INPP4B: variants seen among roughly 807,000 people sequenced by gnomAD.
INPP4B encodes the protein inositol polyphosphate-4-phosphatase type II B, also known as inositol polyphosphate 4-phosphatase type II.
A neutral mutation model predicts 122.5 loss-of-function variants in INPP4B; 55 were observed. The observed-to-expected ratio is 0.45, with a 90% CI of 0.36 to 0.56. The LOEUF is 0.56. Ranked by LOEUF, INPP4B falls within the 20% of genes least tolerant of loss-of-function variation. The pLI, the probability that INPP4B is intolerant of heterozygous loss-of-function variation, is 0.00. For missense variants in INPP4B, 1,000 were observed against 1,097.7 expected (o/e 0.91, Z 1.26); for synonymous variants, 403 against 388.7 (o/e 1.04, Z -0.43).
intron 2 of INPP4B, among the ~76,000 whole-genome samples, chr4:142,523,935 A>G (rs960834641): frequency 2.7e-5 from 4 of 146,280 alleles, no homozygotes; most frequent in Non-Finnish European, 4.5e-5. Flanking sequence ...GCGATAGTTT[A>G]CTGAGAATGA....
intron 2 of INPP4B, among the ~76,000 whole-genome samples, chr4:142,567,338 G>A (rs1275990131): frequency 6.6e-6 from 1 of 152,154 alleles, no homozygotes; most frequent in East Asian, 1.9e-4. Flanking sequence ...GAGCACAGCT[G>A]CCCTGACAGG....
At chr4:142,076,466 T>C (rs1286923955) in intron 25 of INPP4B, among the ~76,000 whole-genome samples, 1 of 152,074 alleles carries the variant, frequency 6.6e-6, no homozygotes, top group Admixed American at 6.6e-5. Flanking sequence ...TTCATGTTTT[T>C]ATTAATAACC....
chr4:142,028,289 A>G lies in INPP4B; in HGVS notation c.*493T>C. The G allele has an allele frequency of 4.4e-6, 1 of 227,054 alleles. No homozygotes were observed. The highest frequency in any genetic ancestry group is 8.8e-6 in the Non-Finnish European group (1 of 114,136). The allele number at this position is 227,054 out of a possible 1,614,324, so 14.1% of individuals were successfully genotyped here. A position where few individuals can be genotyped will look rare whatever the true frequency, so the allele number is the denominator to read the frequency against. On this transcript the variant is annotated 3_prime_UTR_variant, in exon 26 of 26. Coordinates refer to ENST00000262992, the MANE Select transcript of INPP4B (RefSeq NM_001101669.3). The stretch of plus-strand genomic sequence containing the variant: ...TCCAGATCATGAGTTAACTCTACCT[A>G]ATTGAGTGGCTACACATTTTTTTTA...
intron 25 of INPP4B, among the ~76,000 whole-genome samples, chr4:142,032,679 T>C (rs201511091): frequency 1.3e-5 from 2 of 152,216 alleles, no homozygotes; most frequent in Non-Finnish European, 2.9e-5. Flanking sequence ...AGCTTGGTTC[T>C]GCCACTTGCT....
intron 7 of INPP4B, among the ~76,000 whole-genome samples, chr4:142,348,636 T>C (rs1358725314): frequency 6.6e-6 from 1 of 152,062 alleles, no homozygotes; most frequent in African/African-American, 2.4e-5. Context: ...CAATAAGAGC[T>C]TGGTGACACA....
At chr4:142,474,329 C>T (rs376671678) in intron 2 of INPP4B, 1 of 152,158 alleles carries the variant, frequency 6.6e-6, no homozygotes, top group African/African-American at 2.4e-5. Flanking sequence ...GGTAAGTGAC[C>T]CTGCCCTTGC....
At chr4:142,788,370 G>A (rs1181101123) in intron 1 of INPP4B, among the ~76,000 whole-genome samples, 1 of 152,000 alleles carries the variant, frequency 6.6e-6, no homozygotes, top group East Asian at 1.9e-4. Context: ...ACTAAAATGT[G>A]GGTTTCCAAA....
intron 2 of INPP4B, among the ~76,000 whole-genome samples, chr4:142,613,902 G>T: frequency 6.6e-6 from 1 of 152,200 alleles, no homozygotes; most frequent in Middle Eastern, 3.4e-3. Context: ...CAAATAGAAA[G>T]GGTTTGTTGT....
At chr4:142,588,951 A>C (rs1211596798) in intron 2 of INPP4B, among the ~76,000 whole-genome samples, 1 of 152,050 alleles carries the variant, frequency 6.6e-6, no homozygotes, top group Non-Finnish European at 1.5e-5. Flanking sequence ...GACTTATTAC[A>C]AAACTACAGT....
chr4:142,246,151 T>C (rs1477961372), intron 11 of INPP4B, among the ~76,000 whole-genome samples: 1 of 147,452 alleles, frequency 6.8e-6, no homozygotes, highest in African/African-American at 2.6e-5. Flanking sequence ...TATATACATA[T>C]ATGTGTTTTG....
chr4:142,108,307 T>C (rs973056659), intron 22 of INPP4B, 117 bp from the exon 23 acceptor site: 1 of 664,730 alleles, frequency 1.5e-6, no homozygotes, highest in Non-Finnish European at 2.6e-6. Flanking sequence ...AGAGTCTGTC[T>C]CATTTTTCAA....
chr4:142,091,226 ACTTTTATAATTG>A (rs1049440744), intron 23 of INPP4B, among the ~76,000 whole-genome samples: 2 of 152,068 alleles, frequency 1.3e-5, no homozygotes, highest in Admixed American at 1.3e-4. Context: ...TTTGTTTGAA[ACTTTTATAATTG>A]CTTTTCAAAA....
intron 12 of INPP4B, among the ~76,000 whole-genome samples, chr4:142,215,884 C>A (rs1846940890): frequency 1.2e-5 from 1 of 80,286 alleles, no homozygotes; most frequent in East Asian, 4.7e-4. Flanking sequence ...CAGACCAAGA[C>A]TCTGTCTCAA....
At chr4:142,656,345 T>C (rs1377246515) in intron 2 of INPP4B, among the ~76,000 whole-genome samples, 1 of 152,224 alleles carries the variant, frequency 6.6e-6, no homozygotes, top group Admixed American at 6.5e-5. Context: ...TGCATCATTT[T>C]TGGCGCCCAA....
chr4:142,270,606 C>A (rs1307013487), intron 10 of INPP4B, 57 bp downstream of exon 10: 1 of 1,201,410 alleles, frequency 8.3e-7, no homozygotes, highest in Non-Finnish European at 1.2e-6. Context: ...AGACAGACAT[C>A]TGGCAAAGCT....
At chr4:142,039,137 C>A (rs1269780398) in intron 25 of INPP4B, among the ~76,000 whole-genome samples, 1 of 152,056 alleles carries the variant, frequency 6.6e-6, no homozygotes, top group South Asian at 2.1e-4. Flanking sequence ...ATTCTTTGAT[C>A]CTATGAAAAC....
At chr4:142,303,381 C>T (rs868838238) in intron 9 of INPP4B, among the ~76,000 whole-genome samples, 1 of 151,962 alleles carries the variant, frequency 6.6e-6, no homozygotes, top group African/African-American at 2.4e-5. Context: ...TTACAGAAAT[C>T]AGAGAATTTT....
intron 1 of INPP4B, among the ~76,000 whole-genome samples, chr4:142,736,129 A>C (rs966156085): frequency 4.6e-5 from 7 of 152,278 alleles, no homozygotes; most frequent in Middle Eastern, 3.4e-3. Context: ...GTTCGTTAGA[A>C]ATACAGAATT....
At chr4:142,345,172 T>A (rs1401202483) in intron 7 of INPP4B, among the ~76,000 whole-genome samples, 1 of 152,020 alleles carries the variant, frequency 6.6e-6, no homozygotes, top group Non-Finnish European at 1.5e-5. Flanking sequence ...TAAAAATATC[T>A]TTATGGAAGA....
Sources: gnomAD v4.1 joint callset for allele counts (sites outside exome capture counted in the v4.1 genomes callset) on GRCh38, gnomAD v4.1.1 for gene constraint, MANE v1.5 for transcripts, NCBI Gene and HGNC (gene_info 2026-07-23, HGNC 2026-07-21) for gene names.